The following WNK1 variants were observed in gnomAD, a reference collection of about 807,000 sequenced individuals.
WNK1 encodes the protein WNK lysine deficient protein kinase 1.
In WNK1, 38 loss-of-function variants were observed where a neutral mutation model predicts 222.8. The ratio of observed to expected loss-of-function variants is 0.17; its 90% CI spans 0.13 to 0.22. The LOEUF (loss-of-function observed/expected upper bound fraction) is 0.22. Among genes scored for constraint, WNK1 ranks in the 10% least tolerant of loss-of-function variants. WNK1 has a pLI of 1.00. For synonymous variants in WNK1, 1,090 were observed against 1,092.9 expected, an observed-to-expected ratio of 1.00 and a Z score of 0.05; for missense variants, 2,348 against 2,918.4, an observed-to-expected ratio of 0.80 and a Z score of 4.50.
At chr12:756,796 C>A (rs187616149) in intron 1 of WNK1, among the ~76,000 whole-genome samples, 1 of 152,090 alleles carries the variant, frequency 6.6e-6, no homozygotes, top group Non-Finnish European at 1.5e-5. Flanking sequence ...GAAACTTTTT[C>A]GCTAAATCTA....
chr12:818,255 A>G (rs1371016924), intron 2 of WNK1, among the ~76,000 whole-genome samples: 2 of 152,202 alleles, frequency 1.3e-5, no homozygotes, highest in South Asian at 2.1e-4. Flanking sequence ...ACAATTAAAA[A>G]GAAATTTTCA....
rs1046806419 is a variant in WNK1, at chr12:781,881, C to T, written c.759+27557C>T. Among the ~76,000 whole-genome samples, 7 of 151,824 alleles carry T rather than the reference C, an allele frequency of 4.6e-5. No individual in the cohort carries two copies. The East Asian group carries it at 1.3e-3, about 29-fold the overall frequency. On this transcript the variant is annotated intron_variant, in intron 1 of 27. Transcript: ENST00000315939. ...TCTAGTTCTGTCAGATTTCTTTGTT[C>T]CCCCTCCCAGTGGTTGAGTTCTTAT...
At chr12:771,686 CG>C (rs1350041817) in intron 1 of WNK1, among the ~76,000 whole-genome samples, 1 of 152,178 alleles carries the variant, frequency 6.6e-6, no homozygotes, top group Non-Finnish European at 1.5e-5. Flanking sequence ...CTGCCCGCCT[CG>C]GCCTCCCAAA....
In WNK1 at chr12:791,555, CT is replaced by C. The variant is rs746932275; in HGVS notation, c.760-22081del. Among the ~76,000 whole-genome samples, 95 of 88,550 alleles carry C rather than the reference CT, an allele frequency of 1.1e-3. 1 individual carries two copies. Among genetic ancestry groups the C allele is most frequent in the East Asian group, 2.8e-3 (4 of 1,412 alleles). 58.1% of individuals were successfully genotyped at this position (88,550 alleles called of 152,430 possible). A position where few individuals can be genotyped will look rare whatever the true frequency, so the allele number is the denominator to read the frequency against. On this transcript the variant is annotated intron_variant, in intron 1 of 27. Coordinates refer to ENST00000315939, the MANE Select transcript of WNK1 (RefSeq NM_018979.4). Reference sequence around the variant, plus strand: ...CGCAAGAGGTTCTTTGAGAGAGCTTCTTTTTTAAAAAAAAAAAAACTACATT... The same window carrying C: ...CGCAAGAGGTTCTTTGAGAGAGCTTCTTTTTAAAAAAAAAAAAACTACATT...
At chr12:758,461 C>T (rs1488010535) in intron 1 of WNK1, among the ~76,000 whole-genome samples, 1 of 125,030 alleles carries the variant, frequency 8.0e-6, no homozygotes, top group Non-Finnish European at 1.7e-5. Context: ...AATCTCGGCT[C>T]ACTGCAAGCT....
intron 1 of WNK1, among the ~76,000 whole-genome samples, chr12:777,170 GT>G (rs200606655): frequency 2.1e-4 from 25 of 119,738 alleles, no homozygotes; most frequent in East Asian, 6.8e-4. Context: ...TTTTTTTTTT[GT>G]TTTTTTTTTT....
In WNK1 at chr12:878,293, A is replaced by T; in HGVS notation, c.2305A>T (p.Thr769Ser). 6.2e-7 allele frequency: 1 copy of T among 1,613,980 alleles called. No individual in the cohort carries two copies. Among genetic ancestry groups the T allele is most frequent in the Non-Finnish European group, 8.5e-7 (1 of 1,179,918 alleles). Reference sequence around the variant, plus strand: ...ACAGACATCAACCTCCAGTGAGGCCACTACTGCACAGCCAGTGAGTCAGCC... The same window carrying T: ...ACAGACATCAACCTCCAGTGAGGCCTCTACTGCACAGCCAGTGAGTCAGCC... Reference protein sequence around the residue: ...LSQTSTSSEATTAQPVSQPQA... With the variant: ...LSQTSTSSEASTAQPVSQPQA... Residue 769 changes from threonine to serine, a missense_variant, in exon 10 of 28, where the codon ACT becomes TCT. Physicochemically the swap from Thr to Ser is moderately conservative, Grantham distance 58 (BLOSUM62 1). Around this residue, in one of 13 missense-constraint regions of WNK1, gnomAD observed 547 missense variants for 558.3 expected, o/e 0.98. Transcript: ENST00000315939.
At chr12:868,146 G>A in intron 8 of WNK1, 2 of 1,614,020 alleles carry the variant, frequency 1.2e-6, no homozygotes, top group Non-Finnish European at 1.7e-6. Context: ...ACTACAGCCA[G>A]TAGAGTAACT....
intron 12 of WNK1, chr12:881,462 A>G: frequency 1.8e-6 from 1 of 558,078 alleles, no homozygotes; most frequent in African/African-American, 1.9e-5. Flanking sequence ...CCTAGCAGAT[A>G]TGTTGGCTGA....
At chr12:897,053 G>C (rs1954812746) in intron 24 of WNK1, among the ~76,000 whole-genome samples, 1 of 151,734 alleles carries the variant, frequency 6.6e-6, no homozygotes, top group Non-Finnish European at 1.5e-5. Flanking sequence ...CTGTATTATT[G>C]TTACTGTATT....
chr12:851,696 GAT>G (rs1366529928), intron 4 of WNK1: 1 of 1,331,662 alleles, frequency 7.5e-7, no homozygotes, highest in South Asian at 1.2e-5. Context: ...TTTTCTGATG[GAT>G]ATTAAAAAGA....
chr12:898,342 G>C (rs1159849132), intron 25 of WNK1, among the ~76,000 whole-genome samples: 1 of 151,878 alleles, frequency 6.6e-6, no homozygotes, highest in Non-Finnish European at 1.5e-5. Context: ...AATTAGGTGG[G>C]CATGGTGGCA....
At chr12:757,910 C>CT (rs1940387356) in intron 1 of WNK1, among the ~76,000 whole-genome samples, 1 of 145,620 alleles carries the variant, frequency 6.9e-6, no homozygotes, top group Non-Finnish European at 1.5e-5. Context: ...GTCCGCACGC[C>CT]TGTAATCCCA....
chr12:765,908 A>G (rs1941636486), intron 1 of WNK1, among the ~76,000 whole-genome samples: 1 of 152,252 alleles, frequency 6.6e-6, no homozygotes, highest in African/African-American at 2.4e-5. Context: ...TTAATAAAGA[A>G]AAAATAGTTA....
chr12:870,498 C>T (rs1022484095), intron 8 of WNK1, among the ~76,000 whole-genome samples: 1 of 152,122 alleles, frequency 6.6e-6, no homozygotes, highest in African/African-American at 2.4e-5. Context: ...CTTTTCATTT[C>T]GTTAACATAC....
intron 10 of WNK1, 96 bp from the exon 11 acceptor site, chr12:879,477 T>TTTGCTAATACA: frequency 1.3e-6 from 1 of 782,208 alleles, no homozygotes; most frequent in Non-Finnish European, 1.9e-6. Context: ...TTCCTTCTTT[T>TTTGCTAATACA]TGGCTAATAC....
At chr12:895,607 C>T (rs1271794041) in intron 23 of WNK1, among the ~76,000 whole-genome samples, 4 of 151,936 alleles carry the variant, frequency 2.6e-5, no homozygotes, top group African/African-American at 7.3e-5. Context: ...TACAGGCACA[C>T]GCTACCATGC....
In WNK1 at chr12:881,731, G is replaced by A. The variant is rs1592157115; in HGVS notation, c.3151G>A (p.Val1051Ile). The A allele has an allele frequency of 1.9e-6, 3 of 1,614,166 alleles. No individual in the cohort carries two copies. The highest frequency in any genetic ancestry group is 2.5e-6 in the Non-Finnish European group (3 of 1,180,022). ...CTCTCAGGTTGCTCCTGCAGAGCCAGTTGCAGTAGCACAGACCCAAGCTAC... is the reference window on the plus strand; with the variant it reads ...CTCTCAGGTTGCTCCTGCAGAGCCAATTGCAGTAGCACAGACCCAAGCTAC... ...GVSQVAPAEPVAVAQTQATQP... is the reference protein window; with the variant it reads ...GVSQVAPAEPIAVAQTQATQP... The change falls in exon 13 of 28, where the codon GTT becomes ATT. Residue 1051 changes from valine to isoleucine, a missense_variant. Val to Ile is a conservative substitution (Grantham distance 29). Around this residue, in one of 13 missense-constraint regions of WNK1, gnomAD observed 547 missense variants for 558.3 expected, o/e 0.98. Transcript: ENST00000315939.
rs201400797 is a variant in WNK1, at chr12:827,153, C to T, written c.1044C>T (p.Arg348=). ...CTCGAACTCCACCTATCATTCACCG[C>T]GATCTTAAATGTGACAACATCTTTA... ...LHTRTPPIIH[R]DLKCDNIFIT... The change falls in exon 3 of 28, where the codon CGC becomes CGT. Residue 348 remains arginine (R), a synonymous_variant. Coordinates refer to ENST00000315939, the MANE Select transcript of WNK1 (RefSeq NM_018979.4). The surrounding 1 kb of genome is among the most constrained non-coding windows in gnomAD (Gnocchi z 4.6). 93 of 1,614,134 alleles carry T rather than the reference C, an allele frequency of 5.8e-5. 1 individual carries two copies. Among genetic ancestry groups the T allele is most frequent in the East Asian group, 3.1e-4 (14 of 44,886 alleles).
Sources: gnomAD v4.1 joint callset for allele counts (sites outside exome capture counted in the v4.1 genomes callset) on GRCh38, gnomAD v4.1.1 for gene constraint, gnomAD v4.1.1 regional missense constraint, Gnocchi (gnomAD v3.1) non-coding constraint, MANE v1.5 for transcripts, NCBI Gene and HGNC (gene_info 2026-07-23, HGNC 2026-07-21) for gene names.